Variants in ITFG1 observed in about 807,000 individuals in gnomAD.
ITFG1 encodes T-cell immunomodulatory protein.
A neutral mutation model predicts 81.8 loss-of-function variants in ITFG1; 34 were observed. The observed-to-expected ratio is 0.42, with a 90% confidence interval of 0.32 to 0.55. The LOEUF is 0.55. Ranked by LOEUF, ITFG1 falls within the 20% of genes least tolerant of loss-of-function variation. The pLI is 0.17. For missense variants in ITFG1, 672 were observed against 755.4 expected, an observed-to-expected ratio of 0.89 and a Z score of 1.29; for synonymous variants, 285 against 270.6, an observed-to-expected ratio of 1.05 and a Z score of -0.52.
chr16:47,459,302 C>A, intron 1 of ITFG1, 127 bp from the exon 2 acceptor site: 1 of 647,132 alleles, frequency 1.5e-6, no homozygotes. Flanking sequence ...GTTCATCTGC[C>A]CTCTCAAGCA....
intron 6 of ITFG1, among the ~76,000 whole-genome samples, chr16:47,401,810 G>A (rs1968665012): frequency 6.6e-6 from 1 of 151,758 alleles, no homozygotes; most frequent in South Asian, 2.1e-4. Flanking sequence ...TCTCAAGCTT[G>A]TCTGGTCACT....
At position 47,370,833 on chromosome 16, in the gene ITFG1, G is replaced by GC. The variant is rs552929322; in HGVS notation, c.721-4965dup. Among the ~76,000 whole-genome samples the GC allele has an allele frequency of 1.6e-3, 244 of 152,300 alleles. 1 individual carries two copies. The highest frequency in any genetic ancestry group is 5.4e-3 in the African/African-American group (226 of 41,554). On this transcript the variant is annotated intron_variant, in intron 7 of 17. Transcript: ENST00000320640. ...GGTTGTAAGTGAAACTTGAGCAGAG[G>GC]CCCCACCAGCGGTGGAGGTCTCTAG... is the stretch of plus-strand genomic sequence containing the variant.
intron 6 of ITFG1, among the ~76,000 whole-genome samples, chr16:47,415,485 C>T (rs1048041850): frequency 3.3e-5 from 5 of 152,056 alleles, no homozygotes; most frequent in East Asian, 1.9e-4. Context: ...AGAGATGAAT[C>T]GGAATTGCCT....
intron 6 of ITFG1, among the ~76,000 whole-genome samples, chr16:47,384,056 G>A (rs1968429431): frequency 6.6e-6 from 1 of 152,186 alleles, no homozygotes; most frequent in Admixed American, 6.5e-5. Flanking sequence ...CATGGGGTAT[G>A]TGTTAGAAAA....
At chr16:47,254,677 T>C (rs1211948047) in intron 12 of ITFG1, among the ~76,000 whole-genome samples, 1 of 152,212 alleles carries the variant, frequency 6.6e-6, no homozygotes, top group African/African-American at 2.4e-5. Flanking sequence ...CAGGGAGAAC[T>C]TGATTTGTTT....
chr16:47,355,248 G>A (rs773935137), intron 8 of ITFG1, among the ~76,000 whole-genome samples: 1 of 152,116 alleles, frequency 6.6e-6, no homozygotes, highest in African/African-American at 2.4e-5. Context: ...CGACAACATG[G>A]ATGAACCTGG....
chr16:47,268,631 C>T (rs1223958605), intron 10 of ITFG1, among the ~76,000 whole-genome samples: 4 of 152,190 alleles, frequency 2.6e-5, no homozygotes, highest in African/African-American at 9.6e-5. Flanking sequence ...ATAATACAGT[C>T]AGATCTTGAT....
intron 8 of ITFG1, among the ~76,000 whole-genome samples, chr16:47,315,791 A>ATATATATATATATAC (rs199525088): frequency 6.7e-6 from 1 of 149,380 alleles, no homozygotes; most frequent in African/African-American, 2.6e-5. Context: ...ACATATATAT[A>ATATATATATATATAC]ATTTATTATT....
chr16:47,311,701 A>G (rs1264473716), intron 9 of ITFG1, among the ~76,000 whole-genome samples: 1 of 152,200 alleles, frequency 6.6e-6, no homozygotes, highest in Admixed American at 6.5e-5. Flanking sequence ...TTGAACTGAT[A>G]TTAATACACA....
rs1164535952 is a variant in ITFG1, at chr16:47,298,435, T to C, written c.1070+12805A>G. On this transcript the variant is annotated intron_variant, in intron 10 of 17. Transcript: ENST00000320640. Reference sequence around the variant, plus strand: ...GATTTCTTTACATATGAGAAAACAGTTGCTTCTTCTTGCTTTTGAATTTAC... The same window carrying C: ...GATTTCTTTACATATGAGAAAACAGCTGCTTCTTCTTGCTTTTGAATTTAC... Among the ~76,000 whole-genome samples the C allele has an allele frequency of 2.0e-5, 3 of 152,336 alleles. No homozygotes were observed. In the South Asian group the frequency reaches 6.2e-4, roughly 32 times the overall value.
At chr16:47,446,289 T>C (rs755243955) in intron 5 of ITFG1, among the ~76,000 whole-genome samples, 5 of 152,156 alleles carry the variant, frequency 3.3e-5, no homozygotes, top group Non-Finnish European at 5.9e-5. Flanking sequence ...CCCTGGTAAA[T>C]TCCTCATGAA....
At chr16:47,180,626 C>A (rs879891391) in intron 14 of ITFG1, among the ~76,000 whole-genome samples, 1 of 152,196 alleles carries the variant, frequency 6.6e-6, no homozygotes, top group Admixed American at 6.5e-5. Context: ...CGTGAGTGAT[C>A]CGCCAGCCTC....
intron 2 of ITFG1, among the ~76,000 whole-genome samples, chr16:47,456,552 C>T (rs554599735): frequency 6.6e-6 from 1 of 152,076 alleles, no homozygotes; most frequent in African/African-American, 2.4e-5. Flanking sequence ...ATTCGCTGGG[C>T]GTGGCGTTGT....
intron 10 of ITFG1, among the ~76,000 whole-genome samples, chr16:47,304,698 G>A (rs898837612): frequency 6.6e-6 from 1 of 152,108 alleles, no homozygotes; most frequent in African/African-American, 2.4e-5. Flanking sequence ...ATTAGGAGAA[G>A]GATTTTCCAT....
intron 8 of ITFG1, among the ~76,000 whole-genome samples, chr16:47,345,609 T>C (rs1007715557): frequency 6.6e-6 from 1 of 152,158 alleles, no homozygotes; most frequent in Non-Finnish European, 1.5e-5. Context: ...AAAAAACTCA[T>C]ATTTTAAGAA....
At chr16:47,348,352 A>G (rs1967891806) in intron 8 of ITFG1, among the ~76,000 whole-genome samples, 1 of 152,256 alleles carries the variant, frequency 6.6e-6, no homozygotes, top group Non-Finnish European at 1.5e-5. Flanking sequence ...TAACCAATGC[A>G]GAGAAGTCCT....
At chr16:47,452,553 AAAT>A (rs1969402494) in intron 4 of ITFG1, among the ~76,000 whole-genome samples, 177 bp downstream of exon 4, 1 of 152,174 alleles carries the variant, frequency 6.6e-6, no homozygotes, top group Non-Finnish European at 1.5e-5. Context: ...CTACTTTCCA[AAAT>A]AATAAATTTC....
intron 10 of ITFG1, among the ~76,000 whole-genome samples, chr16:47,287,601 CTATGT>C (rs1966875072): frequency 1.3e-5 from 2 of 152,018 alleles, no homozygotes; most frequent in Admixed American, 6.6e-5. Flanking sequence ...CAGGGCCTCA[CTATGT>C]TATCCAGGCT....
intron 13 of ITFG1, among the ~76,000 whole-genome samples, chr16:47,221,565 C>T (rs1965691677): frequency 1.3e-5 from 2 of 152,080 alleles, no homozygotes; most frequent in South Asian, 4.1e-4. Flanking sequence ...GTGTCTCTGC[C>T]CGGCTTTGGT....
Sources: allele counts gnomAD v4.1 joint callset (sites outside exome capture counted in the v4.1 genomes callset), GRCh38; gene constraint gnomAD v4.1.1; transcripts MANE v1.5; gene names NCBI Gene and HGNC (gene_info 2026-07-23, HGNC 2026-07-21).